MYH4: variants seen among roughly 807,000 people sequenced by gnomAD.
MYH4 encodes myosin heavy chain 4.
Under a neutral mutation model 229.9 loss-of-function variants are expected in MYH4, and 200 were observed. The ratio of observed to expected loss-of-function variants is 0.87; its 90% confidence interval spans 0.78 to 0.98. The LOEUF (loss-of-function observed/expected upper bound fraction) is 0.98. Among genes scored for constraint, MYH4 ranks in the 50% least tolerant of loss-of-function variants. The probability of loss-of-function intolerance (pLI) is 0.00; values close to 1 mark genes in which losing one functional copy is unlikely to be tolerated. For synonymous variants in MYH4, 761 were observed against 834.6 expected, an observed-to-expected ratio of 0.91 and a Z score of 1.52; for missense variants, 2,148 against 2,332.6, an observed-to-expected ratio of 0.92 and a Z score of 1.63.
At chr17:10,469,477 TAAATGA>T (rs1379609512) in intron 1 of MYH4, 54 bp downstream of exon 1, 1 of 152,214 alleles carries the variant, frequency 6.6e-6, no homozygotes, top group Non-Finnish European at 1.5e-5. Flanking sequence ...AGACATCCCT[TAAATGA>T]AAAATCATCA....
At position 10,454,780 on chromosome 17, in the gene MYH4, G is replaced by T. The variant is rs766164383; in HGVS notation, c.2466C>A (p.Ile822=). 7 of 1,614,166 alleles carry T rather than the reference G, an allele frequency of 4.3e-6. No homozygotes were observed. The highest frequency in any genetic ancestry group is 3.3e-4 in the Middle Eastern group (2 of 6,062). Residue 822 remains isoleucine (I), a synonymous_variant, in exon 22 of 40, where the codon ATC becomes ATA. Transcript: ENST00000255381. ...AGTGCTTCACATTCATGAAAGCACG[G>T]ATGTTGTACTGAATGCAGAAGATGG... The part of the protein sequence containing the change: ...RESIFCIQYN[I]RAFMNVKHWP...
Position 10,462,916 on chromosome 17 carries a change from C to T in MYH4, c.957G>A (p.Gly319=), listed in dbSNP as rs750640170. The T allele has an allele frequency of 1.9e-6, 3 of 1,614,082 alleles. No individual in the cohort carries two copies. The highest frequency in any genetic ancestry group is 2.5e-6 in the Non-Finnish European group (3 of 1,179,964). The part of the protein sequence containing the change: ...NPYDFAFVSQ[G]EITVPSIDDQ... ...CATCAATGCTGGGCACAGTAATTTCCCCTTGGCTGACAAATGCGAAGTCAT... is the reference window on the plus strand; with the variant it reads ...CATCAATGCTGGGCACAGTAATTTCTCCTTGGCTGACAAATGCGAAGTCAT... The change falls in exon 11 of 40, where the codon GGG becomes GGA. Residue 319 remains glycine (G), a synonymous_variant. Coordinates refer to ENST00000255381, the MANE Select transcript of MYH4 (RefSeq NM_017533.2).
intron 15 of MYH4, among the ~76,000 whole-genome samples, chr17:10,458,560 C>T (rs995840003): frequency 2.0e-5 from 3 of 152,132 alleles, no homozygotes; most frequent in Non-Finnish European, 1.5e-5. Context: ...ATTGCATTTA[C>T]GCTTCCTTTC....
At position 10,466,587 on chromosome 17, in the gene MYH4, C is replaced by G. The variant is rs1490489730; in HGVS notation, c.159G>C (p.Gln53His). 6.2e-7 allele frequency: 1 copy of G among 1,613,974 alleles called. No individual in the cohort carries two copies. Among genetic ancestry groups the G allele is most frequent in the Non-Finnish European group, 8.5e-7 (1 of 1,180,030 alleles). Residue 53 changes from glutamine (Q) to histidine (H), a missense_variant, in exon 3 of 40, where the codon CAG (glutamine) becomes CAC (histidine). Transcript: ENST00000255381. ...CTGTCACCTTCCCCCCTTCCCTGCTCTGCACTATTGCTTTCACGTAGGACT... is the reference window on the plus strand; with the variant it reads ...CTGTCACCTTCCCCCCTTCCCTGCTGTGCACTATTGCTTTCACGTAGGACT... ...PKESYVKAIVQSREGGKVTAK... is the reference protein window; with the variant it reads ...PKESYVKAIVHSREGGKVTAK...
chr17:10,469,115 G>A (rs1034639803), intron 2 of MYH4, among the ~76,000 whole-genome samples, 173 bp downstream of exon 2: 1 of 152,126 alleles, frequency 6.6e-6, no homozygotes, highest in African/African-American at 2.4e-5. Flanking sequence ...ATTAAGTTTT[G>A]TTTGATTAAG....
chr17:10,452,675 CATT>C (rs748727044), intron 25 of MYH4, 109 bp downstream of exon 25: 25 of 1,347,938 alleles, frequency 1.9e-5, no homozygotes, highest in South Asian at 5.7e-5. Flanking sequence ...TCAAAGATGT[CATT>C]ATTTTTTTCC....
intron 4 of MYH4, 107 bp from the exon 5 acceptor site, chr17:10,465,705 C>T (rs1221664890): frequency 3.2e-5 from 41 of 1,294,638 alleles, no homozygotes; most frequent in Admixed American, 6.2e-5. Context: ...TGTTAGTTCT[C>T]ATAAAGTTTC....
chr17:10,444,839 C>A lies in MYH4; in HGVS notation c.5527G>T (p.Gly1843Cys). Residue 1843 changes from glycine (G) to cysteine (C), a missense_variant, in exon 38 of 40, where the codon GGT becomes TGT. By Grantham distance (159) the Gly-to-Cys change is radical. Coordinates refer to ENST00000255381, the MANE Select transcript of MYH4 (RefSeq NM_017533.2). The part of the protein sequence containing the change: ...EQKHNVEAVK[G>C]LRKHERRVKE... ...ACTCTTCTCTCATGTTTGCGAAGAC[C>A]CTTGACAGCCTCAACATTGTGCTTC... The A allele has an allele frequency of 1.2e-6, 2 of 1,614,072 alleles. No individual in the cohort carries two copies. The highest frequency in any genetic ancestry group is 1.7e-6 in the Non-Finnish European group (2 of 1,180,030).
Position 10,443,586 on chromosome 17 carries a change from G to T in MYH4, c.5668-59C>A. ...AATTGGACATTTCCTGATTGTTATT[G>T]CTTTTGTTACTTCAGGATTTGCCTC... On this transcript the variant is annotated intron_variant, in intron 39 of 39. Transcript: ENST00000255381. The surrounding 1 kb of genome is among the most constrained non-coding windows in gnomAD (Gnocchi z 4.6). 2 of 1,541,712 alleles carry T rather than the reference G, an allele frequency of 1.3e-6. No individual in the cohort carries two copies. The highest frequency in any genetic ancestry group is 2.3e-5 in the East Asian group (1 of 44,160).
At chr17:10,463,717 C>T (rs2072728947) in intron 7 of MYH4, 74 bp from the exon 8 acceptor site, 3 of 1,153,254 alleles carry the variant, frequency 2.6e-6, no homozygotes, top group Non-Finnish European at 2.5e-6. Flanking sequence ...CTTTCCCTTC[C>T]CCATTGCCCC....
In MYH4 at chr17:10,459,556, A is replaced by G. The variant is rs528113607; in HGVS notation, c.1417-135T>C. The G allele has an allele frequency of 1.1e-3, 1,663 of 1,447,186 alleles. 3 individuals are homozygous for G. The highest frequency in any genetic ancestry group is 1.5e-3 in the Middle Eastern group (8 of 5,314). 89.6% of individuals were successfully genotyped at this position (1,447,186 alleles called of 1,614,324 possible). ...AACCTTCAGATTGTTTTCCTATTAT[A>G]TAGTTCTAAACAAAGTAGAATTGAT... On this transcript the variant is annotated intron_variant, in intron 14 of 39. Coordinates refer to ENST00000255381, the MANE Select transcript of MYH4 (RefSeq NM_017533.2).
Position 10,448,538 on chromosome 17 carries a change from C to A in MYH4, c.4532-18G>T, listed in dbSNP as rs934227134. Reference sequence around the variant, plus strand: ...AATCTCCTCTGTAATAATAAAGTACCAAATTTCAGTTAAGTAGAAAGAAAA... The same window carrying A: ...AATCTCCTCTGTAATAATAAAGTACAAAATTTCAGTTAAGTAGAAAGAAAA... On this transcript the variant is annotated intron_variant, in intron 32 of 39. Coordinates refer to ENST00000255381, the MANE Select transcript of MYH4 (RefSeq NM_017533.2). The A allele has an allele frequency of 6.2e-7, 1 of 1,611,042 alleles. No homozygotes were observed. The highest frequency in any genetic ancestry group is 1.1e-5 in the South Asian group (1 of 90,536).
Position 10,451,992 on chromosome 17 carries a change from C to G in MYH4, c.3687G>C (p.Lys1229Asn). 1 of 1,613,700 alleles carries G rather than the reference C, an allele frequency of 6.2e-7. No individual in the cohort carries two copies. The highest frequency in any genetic ancestry group is 8.5e-7 in the Non-Finnish European group (1 of 1,179,782). ...QKLEKEKSEL[K>N]MEINDLASNM... is the part of the protein sequence containing the mutation. ...TACTAGCAAGGTCATTGATCTCCATCTTCAGCTCACTCTTTTCCTTCTCCA... is the reference window on the plus strand; with the variant it reads ...TACTAGCAAGGTCATTGATCTCCATGTTCAGCTCACTCTTTTCCTTCTCCA... The change falls in exon 27 of 40, where the codon AAG (lysine) becomes AAC (asparagine). Residue 1229 changes from lysine to asparagine, a missense_variant. Coordinates refer to ENST00000255381, the MANE Select transcript of MYH4 (RefSeq NM_017533.2).
intron 25 of MYH4, 45 bp from the exon 26 acceptor site, chr17:10,452,551 A>G: frequency 6.4e-7 from 1 of 1,573,246 alleles, no homozygotes; most frequent in Non-Finnish European, 8.7e-7. Context: ...TTCTCTTACC[A>G]ATCTTCTTTT....
rs1315208782 is a variant in MYH4 at position 10,452,159 on chromosome 17, C to T, written c.3520G>A (p.Glu1174Lys). ...QIEMNKKREA[E>K]FQKMRRDLEE... ...AGGTCCCTGCGCATTTTCTGGAACT[C>T]AGCCTCCCGCTTCTTGTTCATCTCA... The change falls in exon 27 of 40, where the codon GAG becomes AAG. Residue 1174 changes from glutamate (E) to lysine (K), a missense_variant. Transcript: ENST00000255381. 1 of 1,613,912 alleles carries T rather than the reference C, an allele frequency of 6.2e-7. No individual in the cohort carries two copies. The highest frequency in any genetic ancestry group is 1.3e-5 in the African/African-American group (1 of 74,918).
chr17:10,447,521 A>G (rs2072525078), intron 34 of MYH4, among the ~76,000 whole-genome samples: 1 of 152,176 alleles, frequency 6.6e-6, no homozygotes, highest in African/African-American at 2.4e-5. Context: ...TATTAAGCAA[A>G]TGAAGTCCAG....
In MYH4 at chr17:10,448,274, T is replaced by A. The variant is rs540519398; in HGVS notation, c.4656+122A>T. On this transcript the variant is annotated intron_variant, in intron 33 of 39. Transcript: ENST00000255381. ...TTAGCTCTGCATTCTCAAGGTACAA[T>A]TCAGTATTTTTCACTGAATTACTTG... The A allele has an allele frequency of 2.9e-4, 390 of 1,325,338 alleles. 4 individuals are homozygous for A. Among genetic ancestry groups the A allele is most frequent in the Admixed American group, 4.0e-4 (15 of 37,372 alleles). 82.1% of individuals were successfully genotyped at this position (1,325,338 alleles called of 1,614,324 possible). A position where few individuals can be genotyped will look rare whatever the true frequency, so the allele number is the denominator to read the frequency against.
chr17:10,469,086 C>T (rs1460899672), intron 2 of MYH4, among the ~76,000 whole-genome samples: 4 of 129,470 alleles, frequency 3.1e-5, no homozygotes, highest in Non-Finnish European at 5.0e-5. Flanking sequence ...GTTCTAACAA[C>T]ATGTGAAAGA....
In MYH4 at chr17:10,443,726, G is replaced by C. The variant is rs989865123; in HGVS notation, c.5668-199C>G. ...ACCTGAGGTCAGGAATTCGAGACCA[G>C]CCTGGCCAACATGGTGAAACCCCCA... On this transcript the variant is annotated intron_variant, in intron 39 of 39. Transcript: ENST00000255381. The surrounding 1 kb of genome is among the most constrained non-coding windows in gnomAD (Gnocchi z 4.6). 1.4e-4 allele frequency among the ~76,000 whole-genome samples: 21 copies of C among 152,100 alleles called. No homozygotes were observed. Among genetic ancestry groups the C allele is most frequent in the Non-Finnish European group, 1.8e-4 (12 of 68,014 alleles).
Sources: gnomAD v4.1 joint callset for allele counts (sites outside exome capture counted in the v4.1 genomes callset) on GRCh38, gnomAD v4.1.1 for gene constraint, Gnocchi (gnomAD v3.1) non-coding constraint, MANE v1.5 for transcripts, NCBI Gene and HGNC (gene_info 2026-07-23, HGNC 2026-07-21) for gene names.